Variants in FAM20C observed in about 807,000 individuals in gnomAD.
The protein encoded by FAM20C is FAM20C golgi associated secretory pathway kinase.
In FAM20C, 40 loss-of-function variants were observed where a neutral mutation model predicts 51.5. The observed-to-expected ratio is 0.78, with a 90% CI of 0.60 to 1.01. The LOEUF is 1.01. Ranked by LOEUF, FAM20C falls within the 50% of genes least tolerant of loss-of-function variation. The probability of loss-of-function intolerance (pLI) is 0.00; values close to 1 mark genes in which losing one functional copy is unlikely to be tolerated. For missense variants in FAM20C, 861 were observed against 844.7 expected (o/e 1.02, Z -0.24); for synonymous variants, 406 against 380.6 (o/e 1.07, Z -0.78).
chr7:227,284 C>T (rs898267130), intron 3 of FAM20C, among the ~76,000 whole-genome samples: 12 of 151,932 alleles, frequency 7.9e-5, no homozygotes, highest in African/African-American at 2.9e-4. Flanking sequence ...AAAATATGGC[C>T]TTCATTTTCC....
Position 246,469 on chromosome 7 carries a change from G to C in FAM20C, c.918G>C (p.Glu306Asp). Residue 306 changes from glutamate to aspartate, a missense_variant, in exon 4 of 10, where the codon GAG becomes GAC. Transcript: ENST00000313766. ...ACTTTTTTTATTTCTCTGACTACGAGAGGCACAATGCGGAGATTGCTGCCT... is the reference window on the plus strand; with the variant it reads ...ACTTTTTTTATTTCTCTGACTACGACAGGCACAATGCGGAGATTGCTGCCT... ...PPDFFYFSDY[E>D]RHNAEIAAFH... The C allele has an allele frequency of 6.5e-7, 1 of 1,536,936 alleles. No individual in the cohort carries two copies. Among genetic ancestry groups the C allele is most frequent in the Non-Finnish European group, 8.7e-7 (1 of 1,146,814 alleles).
chr7:243,964 G>A (rs1412155160), intron 3 of FAM20C, among the ~76,000 whole-genome samples: 1 of 112,498 alleles, frequency 8.9e-6, no homozygotes, highest in Non-Finnish European at 1.9e-5. Context: ...ATTATTATTT[G>A]GAGACAGGGT....
intron 3 of FAM20C, among the ~76,000 whole-genome samples, chr7:223,688 AGG>A (rs1194086139): frequency 2.6e-5 from 4 of 152,196 alleles, no homozygotes; most frequent in Admixed American, 6.5e-5. Flanking sequence ...AGTCACAGGG[AGG>A]GGCCCTTACG....
intron 7 of FAM20C, 43 bp downstream of exon 7, chr7:256,806 G>A (rs1788608309): frequency 4.0e-6 from 6 of 1,513,768 alleles, no homozygotes; most frequent in South Asian, 1.2e-5. Context: ...CACTCGCCTT[G>A]CGTGGAGCGG....
intron 7 of FAM20C, 77 bp downstream of exon 7, chr7:256,840 A>G: frequency 6.8e-7 from 1 of 1,460,752 alleles, no homozygotes; most frequent in Admixed American, 2.0e-5. Context: ...TCTGCAGGGC[A>G]CACTCCGTGG....
At chr7:254,425 C>A (rs1327900466) in intron 5 of FAM20C, among the ~76,000 whole-genome samples, 1 of 152,132 alleles carries the variant, frequency 6.6e-6, no homozygotes, top group Non-Finnish European at 1.5e-5. Context: ...GTTCTACAGC[C>A]CCAGGCTTTC....
At chr7:203,550 A>G (rs111286250) in intron 2 of FAM20C, among the ~76,000 whole-genome samples, 25 of 152,352 alleles carry the variant, frequency 1.6e-4, no homozygotes, top group African/African-American at 5.8e-4. Context: ...GGTCTTTGCA[A>G]GGAGACTGTA....
chr7:252,239 G>A (rs1380521590), intron 5 of FAM20C, among the ~76,000 whole-genome samples: 2 of 150,476 alleles, frequency 1.3e-5, no homozygotes, highest in Non-Finnish European at 3.0e-5. Flanking sequence ...GGTCATCTCG[G>A]AGGCCCTGCC....
At chr7:243,944 A>AATAATT (rs771341264) in intron 3 of FAM20C, among the ~76,000 whole-genome samples, 24,716 of 136,322 alleles carry the variant, frequency 0.18, 2,671 homozygotes, top group South Asian at 0.26. Flanking sequence ...TAATAATAAT[A>AATAATT]ATTATTATTA....
At chr7:229,322 C>T (rs139376556) in intron 3 of FAM20C, 2,021 of 186,314 alleles carry the variant, frequency 0.011, 11 homozygotes, top group Middle Eastern at 0.036. Context: ...CCGCACATCG[C>T]CGCCCTCCGG....
At chr7:230,200 TA>T (rs1269459787) in intron 3 of FAM20C, among the ~76,000 whole-genome samples, 1 of 151,958 alleles carries the variant, frequency 6.6e-6, no homozygotes, top group African/African-American at 2.4e-5. Flanking sequence ...GGAGGGAGAT[TA>T]AACGCAGAGG....
rs377190030 is a variant in FAM20C at position 215,088 on chromosome 7, C to T, written c.863+6112C>T. Among the ~76,000 whole-genome samples, 795 of 152,036 alleles carry T rather than the reference C, an allele frequency of 5.2e-3. 2 individuals are homozygous for T. Among genetic ancestry groups the T allele is most frequent in the Non-Finnish European group, 9.1e-3 (621 of 68,002 alleles). On this transcript the variant is annotated intron_variant, in intron 3 of 9. Coordinates refer to ENST00000313766, the MANE Select transcript of FAM20C (RefSeq NM_020223.4). ...ATGCTCCACGGGAGACAGGCAGCTA[C>T]GTGTGTCCAGTCTCCCAAAGTGGCC...
At chr7:199,339 CAG>C (rs560050343) in intron 2 of FAM20C, among the ~76,000 whole-genome samples, 16 of 152,372 alleles carry the variant, frequency 1.1e-4, no homozygotes, top group African/African-American at 3.6e-4. Context: ...CAACCAAGAA[CAG>C]GGGTAGCCTT....
chr7:252,341 A>G (rs370569838), intron 5 of FAM20C, among the ~76,000 whole-genome samples: 2,263 of 73,270 alleles, frequency 0.031, 78 homozygotes, highest in South Asian at 0.035. Flanking sequence ...AGGCCCTGCC[A>G]GAGCCGAGGG....
rs1390151996 is a variant in FAM20C at position 208,989 on chromosome 7, G to T, written c.863+13G>T. ...TCAAACCCATGAAGTAAGTGCCGAG[G>T]CCTGTGGGCTGGGGCGTGAGGAGCT... On this transcript the variant is annotated intron_variant, in intron 3 of 9. Coordinates refer to ENST00000313766, the MANE Select transcript of FAM20C (RefSeq NM_020223.4). 7 of 1,572,248 alleles carry T rather than the reference G, an allele frequency of 4.5e-6. No homozygotes were observed. Among genetic ancestry groups the T allele is most frequent in the Non-Finnish European group, 6.0e-6 (7 of 1,158,898 alleles).
chr7:218,165 G>A (rs959635283), intron 3 of FAM20C, among the ~76,000 whole-genome samples: 6 of 152,184 alleles, frequency 3.9e-5, no homozygotes, highest in African/African-American at 7.2e-5. Context: ...AGGCCACAGC[G>A]TTCACCCGGC....
At chr7:204,976 G>T (rs939991294) in intron 2 of FAM20C, among the ~76,000 whole-genome samples, 1 of 152,270 alleles carries the variant, frequency 6.6e-6, no homozygotes, top group African/African-American at 2.4e-5. Context: ...CGCCACTGCT[G>T]TCCTGAGCAC....
At chr7:226,232 G>A (rs1158412987) in intron 3 of FAM20C, among the ~76,000 whole-genome samples, 1 of 152,146 alleles carries the variant, frequency 6.6e-6, no homozygotes, top group Non-Finnish European at 1.5e-5. Context: ...CGCACCCCAT[G>A]TCCCACCACA....
chr7:217,207 G>T (rs1787024313), intron 3 of FAM20C, among the ~76,000 whole-genome samples: 1 of 152,144 alleles, frequency 6.6e-6, no homozygotes, highest in African/African-American at 2.4e-5. Context: ...GCCTGTGGGG[G>T]AGGCGGACAC....
Sources: gnomAD v4.1 joint callset for allele counts (sites outside exome capture counted in the v4.1 genomes callset) on GRCh38, gnomAD v4.1.1 for gene constraint, MANE v1.5 for transcripts, NCBI Gene and HGNC (gene_info 2026-07-23, HGNC 2026-07-21) for gene names.